BTF3L4: variants seen among roughly 807,000 people sequenced by gnomAD.
BTF3L4 encodes transcription factor BTF3 homolog 4.
BTF3L4 carries 6 observed loss-of-function variants against 16.8 expected under a neutral mutation model. That is an observed-to-expected ratio of 0.36 (90% CI 0.20 to 0.71). The LOEUF (loss-of-function observed/expected upper bound fraction) is 0.71. BTF3L4 is among the 30% of genes least tolerant of loss of function. BTF3L4 has a pLI of 0.58. For missense variants in BTF3L4, 92 were observed against 186.9 expected (o/e 0.49, Z 2.96); for synonymous variants, 39 against 59.8 (o/e 0.65, Z 1.60).
chr1:52,065,970 G>A (rs1011571285), intron 3 of BTF3L4, among the ~76,000 whole-genome samples: 15 of 152,104 alleles, frequency 9.9e-5, no homozygotes, highest in Non-Finnish European at 2.2e-4. Flanking sequence ...CCCAGGAGGC[G>A]GAGGTTACGG....
chr1:52,063,735 C>G (rs1572021313), intron 2 of BTF3L4, among the ~76,000 whole-genome samples: 1 of 152,144 alleles, frequency 6.6e-6, no homozygotes, highest in Admixed American at 6.5e-5. Flanking sequence ...AATTTTCAAC[C>G]TGTTTGCTCA....
chr1:52,085,862 A>G (rs1643967286), intron 4 of BTF3L4, among the ~76,000 whole-genome samples: 1 of 152,168 alleles, frequency 6.6e-6, no homozygotes, highest in Admixed American at 6.5e-5. Context: ...GAATAAATAA[A>G]AATAAATAAA....
Position 52,083,456 on chromosome 1 carries a change from A to T in BTF3L4, c.285A>T (p.Thr95=). 6.2e-7 allele frequency: 1 copy of T among 1,612,938 alleles called. No homozygotes were observed. Among genetic ancestry groups the T allele is most frequent in the Non-Finnish European group, 8.5e-7 (1 of 1,179,060 alleles). ...ITGHAEAKPI[T]EMLPGILSQL... is the part of the protein sequence containing the mutation. ...GTCATGCAGAAGCCAAACCAATCAC[A>T]GAAATGCTTCCTGGAATATTAAGTC... Residue 95 remains threonine (T), a synonymous_variant, in exon 4 of 6, where the codon ACA becomes ACT. Coordinates refer to ENST00000313334, the MANE Select transcript of BTF3L4 (RefSeq NM_152265.5).
At chr1:52,066,703 G>A (rs1177092210) in intron 3 of BTF3L4, among the ~76,000 whole-genome samples, 2 of 151,392 alleles carry the variant, frequency 1.3e-5, no homozygotes, top group East Asian at 2.0e-4. Context: ...AAAATTAGCC[G>A]GGCATGGTGG....
chr1:52,087,155 A>G lies in BTF3L4; in HGVS notation c.*397A>G, dbSNP rs9662305. ...CAGTAGAAATAAAAAAAATCTTTAC[A>G]TTTGTTACTTTTCTTTTCCCCCCGT... On this transcript the variant is annotated 3_prime_UTR_variant, in exon 6 of 6. Transcript: ENST00000313334. 3.4e-3 allele frequency: 547 copies of G among 158,630 alleles called. 3 individuals carry two copies. The highest frequency in any genetic ancestry group is 0.012 in the African/African-American group (517 of 41,832). The allele number at this position is 158,630 out of a possible 1,614,324, so 9.8% of individuals were successfully genotyped here.
chr1:52,084,777 G>C (rs1405129798), intron 4 of BTF3L4, among the ~76,000 whole-genome samples: 1 of 196 alleles, frequency 5.1e-3, no homozygotes, highest in Non-Finnish European at 9.4e-3. Flanking sequence ...GGTGACAGAG[G>C]GGGGAGACCC....
At position 52,083,983 on chromosome 1, in the gene BTF3L4, G is replaced by A. The variant is rs1380789198; in HGVS notation, c.370+442G>A. On this transcript the variant is annotated intron_variant, in intron 4 of 5. Coordinates refer to ENST00000313334, the MANE Select transcript of BTF3L4 (RefSeq NM_152265.5). Reference sequence around the variant, plus strand: ...TGCAGTGAGCTGAGATCATGCCATTGCACTCTAGCCTGGGCAACAAGAGGG... The same window carrying A: ...TGCAGTGAGCTGAGATCATGCCATTACACTCTAGCCTGGGCAACAAGAGGG... 3.4e-5 allele frequency among the ~76,000 whole-genome samples: 5 copies of A among 149,138 alleles called. No homozygotes were observed. In the East Asian group the frequency reaches 7.9e-4, roughly 23 times the overall value.
intron 4 of BTF3L4, 71 bp from the exon 5 acceptor site, chr1:52,086,041 G>C: frequency 1.0e-6 from 1 of 1,002,626 alleles, no homozygotes; most frequent in Non-Finnish European, 1.5e-6. Context: ...CAGGAAAAAA[G>C]GGATAAACAT....
intron 3 of BTF3L4, among the ~76,000 whole-genome samples, chr1:52,075,470 C>G (rs1396465554): frequency 3.4e-5 from 5 of 147,294 alleles, no homozygotes; most frequent in Non-Finnish European, 7.4e-5. Context: ...TGCAGTGGGC[C>G]GAGATCGCAC....
intron 3 of BTF3L4, among the ~76,000 whole-genome samples, chr1:52,077,566 A>T (rs948665391): frequency 2.0e-5 from 3 of 152,204 alleles, no homozygotes; most frequent in African/African-American, 7.2e-5. Flanking sequence ...TCAAAAAGAA[A>T]AAAAGAGACA....
rs112865345 is a variant in BTF3L4 at position 52,065,167 on chromosome 1, C to T, written c.168+229C>T. The stretch of plus-strand genomic sequence containing the variant: ...ATACTTTTCAAGCTCAAGATATTTG[C>T]GTATATGGCAAAATTATGTAAGTGT... On this transcript the variant is annotated intron_variant, in intron 3 of 5. Coordinates refer to ENST00000313334, the MANE Select transcript of BTF3L4 (RefSeq NM_152265.5). 7.6e-5 allele frequency: 21 copies of T among 274,842 alleles called. No individual in the cohort carries two copies. The East Asian group carries it at 8.8e-4, about 12-fold the overall frequency. The allele number at this position is 274,842 out of a possible 1,614,324, so 17.0% of individuals were successfully genotyped here.
rs1051816299 is a variant in BTF3L4 at position 52,083,301 on chromosome 1, C to G, written c.169-39C>G. 4.0e-6 allele frequency: 6 copies of G among 1,503,116 alleles called. No homozygotes were observed. In the Admixed American group the frequency reaches 5.0e-5, roughly 13 times the overall value. The allele number at this position is 1,503,116 out of a possible 1,614,324, so 93.1% of individuals were successfully genotyped here. ...TTAAAAATATATTGTTTTAGTGTAC[C>G]TAGCATGTGAAGTACATTTTTCTTC... On this transcript the variant is annotated intron_variant, in intron 3 of 5. Coordinates refer to ENST00000313334, the MANE Select transcript of BTF3L4 (RefSeq NM_152265.5).
chr1:52,073,892 G>T (rs1436039809), intron 3 of BTF3L4, among the ~76,000 whole-genome samples: 1 of 152,002 alleles, frequency 6.6e-6, no homozygotes, highest in Non-Finnish European at 1.5e-5. Context: ...CAGCTACTCA[G>T]GGGGCTGAGG....
intron 3 of BTF3L4, chr1:52,065,466 A>G (rs1417434979): frequency 6.6e-6 from 1 of 152,002 alleles, no homozygotes; most frequent in African/African-American, 2.4e-5. Flanking sequence ...GGGTTTCACC[A>G]TGCTGGCCAG....
intron 4 of BTF3L4, 26 bp from the exon 5 acceptor site, chr1:52,086,086 C>T: frequency 6.6e-7 from 1 of 1,519,770 alleles, no homozygotes; most frequent in Non-Finnish European, 9.0e-7. Flanking sequence ...TTCTCAATGA[C>T]TAATATTAAA....
intron 3 of BTF3L4, 80 bp downstream of exon 3, chr1:52,065,018 A>G: frequency 1.4e-6 from 1 of 720,292 alleles, no homozygotes; most frequent in Non-Finnish European, 2.2e-6. Flanking sequence ...GTAAAATATC[A>G]GCTTAGAAAA....
At position 52,084,294 on chromosome 1, in the gene BTF3L4, C is replaced by T. The variant is rs572271027; in HGVS notation, c.370+753C>T. 1.5e-4 allele frequency among the ~76,000 whole-genome samples: 23 copies of T among 152,092 alleles called. No homozygotes were observed. The South Asian group carries it at 4.6e-3, about 30-fold the overall frequency. On this transcript the variant is annotated intron_variant, in intron 4 of 5. Coordinates refer to ENST00000313334, the MANE Select transcript of BTF3L4 (RefSeq NM_152265.5). ...AGCAGGGACTACAGGTGGTGTGCACCACTGCACCCAGTTAATTTTTGTATT... is the reference window on the plus strand; with the variant it reads ...AGCAGGGACTACAGGTGGTGTGCACTACTGCACCCAGTTAATTTTTGTATT...
At chr1:52,062,495 C>G (rs971673166) in intron 2 of BTF3L4, among the ~76,000 whole-genome samples, 1 of 152,090 alleles carries the variant, frequency 6.6e-6, no homozygotes, top group Non-Finnish European at 1.5e-5. Flanking sequence ...CCACCGCGCT[C>G]GGCCGGTACA....
chr1:52,061,963 ATC>A lies in BTF3L4; in HGVS notation c.54+2070_54+2071del, dbSNP rs1202214444. ...GGCCTCTTTTTTTTTTTAAGATGGA[ATC>A]TCTCTCTGTCGCCCAGGCTGTAGTG... On this transcript the variant is annotated intron_variant, in intron 2 of 5. Coordinates refer to ENST00000313334, the MANE Select transcript of BTF3L4 (RefSeq NM_152265.5). Among the ~76,000 whole-genome samples, 17 of 128,904 alleles carry A rather than the reference ATC, an allele frequency of 1.3e-4. No homozygotes were observed. The South Asian group carries it at 4.0e-3, about 30-fold the overall frequency. 84.6% of individuals were successfully genotyped at this position (128,904 alleles called of 152,430 possible).
Sources: gnomAD v4.1 joint callset for allele counts (sites outside exome capture counted in the v4.1 genomes callset) on GRCh38, gnomAD v4.1.1 for gene constraint, MANE v1.5 for transcripts, NCBI Gene and HGNC (gene_info 2026-07-23, HGNC 2026-07-21) for gene names.